The following KIF26A variants were observed in gnomAD, a reference collection of about 807,000 sequenced individuals.
KIF26A encodes the protein kinesin-like protein KIF26A.
KIF26A carries 74 observed loss-of-function variants against 126.0 expected under a neutral mutation model. That is an observed-to-expected ratio of 0.59 (90% CI 0.49 to 0.71). The LOEUF (loss-of-function observed/expected upper bound fraction) is 0.71, where lower values mean the gene tolerates loss of function less well. Ranked by LOEUF, KIF26A falls within the 30% of genes least tolerant of loss-of-function variation. The probability of loss-of-function intolerance (pLI) is 0.00; values close to 1 mark genes in which losing one functional copy is unlikely to be tolerated. For missense variants in KIF26A, 2,984 were observed against 2,763.3 expected (o/e 1.08, Z -1.79); for synonymous variants, 1,445 against 1,232.7 (o/e 1.17, Z -3.61).
chr14:104,147,439 A>C, intron 2 of KIF26A, among the ~76,000 whole-genome samples: 1 of 152,080 alleles, frequency 6.6e-6, no homozygotes, highest in South Asian at 2.1e-4. Flanking sequence ...GGAAGGGGGT[A>C]GGAGGCCTTC....
Position 104,175,451 on chromosome 14 carries a change from A to C in KIF26A, c.2663A>C (p.Lys888Thr), listed in dbSNP as rs779457661. 1.0e-5 allele frequency: 16 copies of C among 1,592,502 alleles called. No homozygotes were observed. The highest frequency in any genetic ancestry group is 1.4e-5 in the Non-Finnish European group (16 of 1,176,442). The change falls in exon 12 of 15, where the codon AAG (lysine) becomes ACG (threonine). Residue 888 changes from lysine to threonine, a missense_variant. Physicochemically the swap from Lys to Thr is moderately conservative, Grantham distance 78 (BLOSUM62 -1). Transcript: ENST00000423312. ...CCACCAGAGGCTGCATCCCCCAGGA[A>C]GGCCGTGGGCACCCCGATGGCTGCC... ...PSPPEAASPR[K>T]AVGTPMAAST... is the part of the protein sequence containing the mutation.
chr14:104,145,972 G>A (rs2037677081), intron 2 of KIF26A, among the ~76,000 whole-genome samples: 1 of 152,236 alleles, frequency 6.6e-6, no homozygotes, highest in Non-Finnish European at 1.5e-5. Context: ...CCTGAGGGTG[G>A]GACTGGGGCC....
In KIF26A at chr14:104,175,037, G is replaced by C; in HGVS notation, c.2249G>C (p.Arg750Pro). 6.4e-7 allele frequency: 1 copy of C among 1,566,076 alleles called. No individual in the cohort carries two copies. The highest frequency in any genetic ancestry group is 8.6e-7 in the Non-Finnish European group (1 of 1,159,080). ...ESSCEEGRARRPPHLRPFHPR... is the reference protein window; with the variant it reads ...ESSCEEGRARPPPHLRPFHPR... Reference sequence around the variant, plus strand: ...TCCTGTGAGGAAGGCCGGGCCCGTCGGCCCCCGCACCTGCGGCCCTTCCAC... The same window carrying C: ...TCCTGTGAGGAAGGCCGGGCCCGTCCGCCCCCGCACCTGCGGCCCTTCCAC... Residue 750 changes from arginine (R) to proline (P), a missense_variant, in exon 12 of 15, where the codon CGG (arginine) becomes CCG (proline). Physicochemically the swap from Arg to Pro is moderately radical, Grantham distance 103 (BLOSUM62 -2). Transcript: ENST00000423312.
At chr14:104,150,079 C>T (rs763806329) in intron 2 of KIF26A, among the ~76,000 whole-genome samples, 3 of 151,906 alleles carry the variant, frequency 2.0e-5, no homozygotes, top group African/African-American at 4.8e-5. Context: ...CAGAGCTAAG[C>T]GGGGCTCCTG....
At chr14:104,161,679 C>T (rs575177489) in intron 4 of KIF26A, among the ~76,000 whole-genome samples, 16 of 152,200 alleles carry the variant, frequency 1.1e-4, no homozygotes, top group Non-Finnish European at 1.6e-4. Flanking sequence ...CATCTGCCCC[C>T]AGACCCCCTG....
intron 4 of KIF26A, among the ~76,000 whole-genome samples, chr14:104,160,030 C>T (rs766210203): frequency 9.2e-5 from 14 of 152,092 alleles, no homozygotes; most frequent in Non-Finnish European, 1.6e-4. Context: ...CCTCCACCCT[C>T]GAAGAGGACC....
chr14:104,157,986 A>G (rs2037798465), intron 4 of KIF26A, 44 bp downstream of exon 4: 7 of 1,456,134 alleles, frequency 4.8e-6, no homozygotes, highest in South Asian at 1.5e-5. Context: ...GCAGGGCCCC[A>G]TGGCCCCGGC....
chr14:104,140,198 G>A (rs1441655390), intron 2 of KIF26A, among the ~76,000 whole-genome samples: 1 of 152,158 alleles, frequency 6.6e-6, no homozygotes, highest in Non-Finnish European at 1.5e-5. Flanking sequence ...GTGGGGCAGG[G>A]TACCAGTCTG....
In KIF26A at chr14:104,180,006, C is replaced by T. The variant is rs527531350; in HGVS notation, c.*216C>T. 18 of 470,822 alleles carry T rather than the reference C, an allele frequency of 3.8e-5. No individual in the cohort carries two copies. Among genetic ancestry groups the T allele is most frequent in the East Asian group, 2.4e-4 (7 of 29,440 alleles). The allele number at this position is 470,822 out of a possible 1,614,324, so 29.2% of individuals were successfully genotyped here. ...GGGTGACCAGAAGACCGTCACCACC[C>T]GACAGCAACGCAAGTGCCTTTGACC... is the stretch of plus-strand genomic sequence containing the variant. On this transcript the variant is annotated 3_prime_UTR_variant, in exon 15 of 15. Transcript: ENST00000423312.
Position 104,172,606 on chromosome 14 carries a change from T to A in KIF26A, c.1358T>A (p.Val453Glu). Residue 453 changes from valine to glutamate, a missense_variant, in exon 7 of 15, where the codon GTG (valine) becomes GAG (glutamate). Coordinates refer to ENST00000423312, the MANE Select transcript of KIF26A (RefSeq NM_015656.2). ...GTCTGCTCGGGGACCGTGGCCGACG[T>A]GCTCCAGTCGGTGGTCAGTGGGGCT... The part of the protein sequence containing the change: ...AEVCSGTVAD[V>E]LQSVVSGADG... The A allele has an allele frequency of 6.2e-7, 1 of 1,613,212 alleles. No individual in the cohort carries two copies. Among genetic ancestry groups the A allele is most frequent in the Non-Finnish European group, 8.5e-7 (1 of 1,179,790 alleles).
In KIF26A at chr14:104,173,383, C is replaced by T. The variant is rs1402561403; in HGVS notation, c.1737C>T (p.Tyr579=). ...RAPTAEKAAF[Y]LDAALAARST... ...CCACGGCCGAGAAGGCGGCTTTCTA[C>T]CTGGATGCGGCCCTGGCGGCCCGCA... is the stretch of plus-strand genomic sequence containing the variant. Residue 579 remains tyrosine, a synonymous_variant, in exon 9 of 15, where the codon TAC becomes TAT. Coordinates refer to ENST00000423312, the MANE Select transcript of KIF26A (RefSeq NM_015656.2). 4 of 1,590,728 alleles carry T rather than the reference C, an allele frequency of 2.5e-6. No homozygotes were observed. Among genetic ancestry groups the T allele is most frequent in the South Asian group, 2.3e-5 (2 of 88,098 alleles).
Position 104,139,079 on chromosome 14 carries a change from C to A in KIF26A, c.79C>A (p.Leu27Met). The stretch of plus-strand genomic sequence containing the variant: ...CGGCCCGGCCCGCGAGCCGCCGCCG[C>A]TGCTGGAGGTGTCCCCCCGAAAGAG... ...EGGPAREPPPLLEVSPRKRLP... is the reference protein window; with the variant it reads ...EGGPAREPPPMLEVSPRKRLP... Residue 27 changes from leucine (L) to methionine (M), a missense_variant, in exon 2 of 15, where the codon CTG (leucine) becomes ATG (methionine). Coordinates refer to ENST00000423312, the MANE Select transcript of KIF26A (RefSeq NM_015656.2). 1 of 1,426,090 alleles carries A rather than the reference C, an allele frequency of 7.0e-7. No individual in the cohort carries two copies. The highest frequency in any genetic ancestry group is 9.1e-7 in the Non-Finnish European group (1 of 1,095,020). The allele number at this position is 1,426,090 out of a possible 1,614,324, so 88.3% of individuals were successfully genotyped here. A position where few individuals can be genotyped will look rare whatever the true frequency, so the allele number is the denominator to read the frequency against.
At chr14:104,163,499 G>A (rs1271584578) in intron 4 of KIF26A, among the ~76,000 whole-genome samples, 3 of 152,180 alleles carry the variant, frequency 2.0e-5, no homozygotes, top group South Asian at 2.1e-4. Flanking sequence ...TTACAGAGAC[G>A]AGGCTTAGGC....
chr14:104,174,667 G>A (rs150142179), intron 11 of KIF26A, among the ~76,000 whole-genome samples: 1,768 of 152,258 alleles, frequency 0.012, 31 homozygotes, highest in African/African-American at 0.041. Context: ...GGAGTTTGGG[G>A]CACTCTGGGG....
At position 104,173,789 on chromosome 14, in the gene KIF26A, G is replaced by A. The variant is rs764121327; in HGVS notation, c.1951G>A (p.Gly651Ser). 5.6e-6 allele frequency: 9 copies of A among 1,606,802 alleles called. No homozygotes were observed. Among genetic ancestry groups the A allele is most frequent in the Admixed American group, 1.7e-5 (1 of 59,964 alleles). ...TGGCAGGGCCGGGGAGGCTGCTGGGGGTCCCCTGTGTCTGTCCCTGTCGGC... is the reference window on the plus strand; with the variant it reads ...TGGCAGGGCCGGGGAGGCTGCTGGGAGTCCCCTGTGTCTGTCCCTGTCGGC... ...AAGRAGEAAG[G>S]PLCLSLSALG... Residue 651 changes from glycine to serine, a missense_variant, in exon 10 of 15, where the codon GGT (glycine) becomes AGT (serine). Physicochemically the swap from Gly to Ser is moderately conservative, Grantham distance 56. Transcript: ENST00000423312.
Position 104,152,343 on chromosome 14 carries a change from CT to C in KIF26A, c.618del (p.Val207Ter). ...TCCCCCGGGCCCAGTGTCCAGGTGT[CT>C]GTAGCACCTGCGGGTCTTGGAGGGG... The part of the protein sequence containing the change: ...AWSPGPSVQV[S>X]VAPAGLGGAL... On this transcript the variant is annotated frameshift_variant, in exon 3 of 15. Transcript: ENST00000423312. LOFTEE classifies it high-confidence loss of function. This position sits in a 1 kb window ranked among gnomAD's most constrained non-coding sequence, Gnocchi z 5.9. 1 of 1,584,500 alleles carries C rather than the reference CT, an allele frequency of 6.3e-7. No homozygotes were observed. Among genetic ancestry groups the C allele is most frequent in the Non-Finnish European group, 8.6e-7 (1 of 1,167,296 alleles).
At chr14:104,170,431 T>A (rs2037945731) in intron 5 of KIF26A, among the ~76,000 whole-genome samples, 1 of 152,232 alleles carries the variant, frequency 6.6e-6, no homozygotes, top group Non-Finnish European at 1.5e-5. Flanking sequence ...ATGTGCCCCA[T>A]GCCCAGGGGG....
chr14:104,146,495 G>C (rs904918921), intron 2 of KIF26A, among the ~76,000 whole-genome samples: 4 of 152,084 alleles, frequency 2.6e-5, no homozygotes, highest in African/African-American at 9.7e-5. Context: ...AGAGCATGGA[G>C]GGCTTGGGCC....
Position 104,176,377 on chromosome 14 carries a change from T to C in KIF26A, c.3589T>C (p.Ser1197Pro). Reference protein sequence around the residue: ...RPGREPQAGPSRWASAAQTIH... With the variant: ...RPGREPQAGPPRWASAAQTIH... ...CGGCAGGGAGCCCCAGGCCGGGCCC[T>C]CGCGGTGGGCATCCGCAGCCCAGAC... Residue 1197 changes from serine (S) to proline (P), a missense_variant, in exon 12 of 15, where the codon TCG (serine) becomes CCG (proline). By Grantham distance (74) the Ser-to-Pro change is moderately conservative. Transcript: ENST00000423312. 6.3e-7 allele frequency: 1 copy of C among 1,584,918 alleles called. No individual in the cohort carries two copies. The highest frequency in any genetic ancestry group is 8.6e-7 in the Non-Finnish European group (1 of 1,162,830).
Sources: gnomAD v4.1 joint callset for allele counts (sites outside exome capture counted in the v4.1 genomes callset) on GRCh38, gnomAD v4.1.1 for gene constraint, Gnocchi (gnomAD v3.1) non-coding constraint, MANE v1.5 for transcripts, NCBI Gene and HGNC (gene_info 2026-07-23, HGNC 2026-07-21) for gene names.